Variants in KCNH8 observed in about 807,000 individuals in gnomAD.
KCNH8 encodes the protein potassium voltage-gated channel subfamily H member 8.
KCNH8 carries 70 observed loss-of-function variants against 103.6 expected under a neutral mutation model. The ratio of observed to expected loss-of-function variants is 0.68; its 90% CI spans 0.56 to 0.82. The LOEUF is 0.82. KCNH8 is among the 40% of genes least tolerant of loss of function. KCNH8 has a pLI of 0.00. For synonymous variants in KCNH8, 498 were observed against 489.4 expected (o/e 1.02, Z -0.23); for missense variants, 1,217 against 1,329.9 (o/e 0.92, Z 1.32).
chr3:19,416,383 C>T (rs536898741), intron 7 of KCNH8, among the ~76,000 whole-genome samples: 2 of 152,138 alleles, frequency 1.3e-5, no homozygotes, highest in South Asian at 4.1e-4. Flanking sequence ...TTTCGATTCA[C>T]TTTCTACAGT....
rs560123612 is a variant in KCNH8, at chr3:19,255,198, G to T, written c.310+1311G>T. ...CAAGTCAAGAAGAGAGGCCTCAGGAGAAACCAAACCTGTCAGCACCGTGAT... is the reference window on the plus strand; with the variant it reads ...CAAGTCAAGAAGAGAGGCCTCAGGATAAACCAAACCTGTCAGCACCGTGAT... On this transcript the variant is annotated intron_variant, in intron 2 of 15. Coordinates refer to ENST00000328405, the MANE Select transcript of KCNH8 (RefSeq NM_144633.3). Among the ~76,000 whole-genome samples, 32 of 152,214 alleles carry T rather than the reference G, an allele frequency of 2.1e-4. No homozygotes were observed. The East Asian group carries it at 6.2e-3, about 29-fold the overall frequency.
chr3:19,231,649 A>G (rs1401780276), intron 1 of KCNH8, among the ~76,000 whole-genome samples: 1 of 152,150 alleles, frequency 6.6e-6, no homozygotes, highest in Non-Finnish European at 1.5e-5. Context: ...GGGCCAGCCT[A>G]CAAGATCATA....
intron 7 of KCNH8, among the ~76,000 whole-genome samples, chr3:19,429,672 C>T (rs546805504): frequency 2.3e-4 from 35 of 152,160 alleles, no homozygotes; most frequent in African/African-American, 8.2e-4. Context: ...ATTTCATCAC[C>T]CAGGTATTAA....
At chr3:19,180,982 A>G (rs2063447298) in intron 1 of KCNH8, among the ~76,000 whole-genome samples, 2 of 152,210 alleles carry the variant, frequency 1.3e-5, no homozygotes, top group Admixed American at 6.5e-5. Context: ...ACATGGTAAT[A>G]TAAAAAGGCA....
chr3:19,220,189 G>A (rs2063858565), intron 1 of KCNH8, among the ~76,000 whole-genome samples: 1 of 152,190 alleles, frequency 6.6e-6, no homozygotes, highest in Admixed American at 6.5e-5. Flanking sequence ...GGCCATTGCT[G>A]TTTTTCATTC....
At chr3:19,441,776 G>T (rs2067288253) in intron 8 of KCNH8, among the ~76,000 whole-genome samples, 1 of 152,176 alleles carries the variant, frequency 6.6e-6, no homozygotes, top group Non-Finnish European at 1.5e-5. Context: ...ATATCACTTT[G>T]AGTTTTGAAC....
intron 1 of KCNH8, among the ~76,000 whole-genome samples, chr3:19,234,195 C>A (rs890772677): frequency 3.3e-5 from 5 of 152,236 alleles, no homozygotes; most frequent in Non-Finnish European, 7.3e-5. Context: ...CACGTCCCTA[C>A]CAGACTCAGG....
intron 1 of KCNH8, among the ~76,000 whole-genome samples, chr3:19,211,748 A>G (rs1260154157): frequency 5.3e-5 from 8 of 152,162 alleles, no homozygotes; most frequent in Non-Finnish European, 1.2e-4. Flanking sequence ...CTCAGATCGC[A>G]TTTATTTTTT....
chr3:19,322,153 A>G lies in KCNH8; in HGVS notation c.443-20434A>G, dbSNP rs113615779. Among the ~76,000 whole-genome samples the G allele has an allele frequency of 4.6e-5, 7 of 152,240 alleles. 1 individual carries two copies. The highest frequency in any genetic ancestry group is 1.2e-4 in the African/African-American group (5 of 41,560). On this transcript the variant is annotated intron_variant, in intron 3 of 15. Transcript: ENST00000328405. Reference sequence around the variant, plus strand: ...ATTCTTACCCATTCTGACATTCTGTATCTTTTAATTGGAGCATTTAGGCCA... The same window carrying G: ...ATTCTTACCCATTCTGACATTCTGTGTCTTTTAATTGGAGCATTTAGGCCA...
intron 1 of KCNH8, among the ~76,000 whole-genome samples, chr3:19,158,672 T>C (rs958823068): frequency 6.6e-6 from 1 of 151,908 alleles, no homozygotes; most frequent in East Asian, 1.9e-4. Flanking sequence ...AAATAGAAAG[T>C]TTTCTTTCAC....
At chr3:19,197,068 C>T (rs942202482) in intron 1 of KCNH8, among the ~76,000 whole-genome samples, 1 of 152,014 alleles carries the variant, frequency 6.6e-6, no homozygotes, top group Non-Finnish European at 1.5e-5. Flanking sequence ...TTCAAGTAAG[C>T]TCATTTTCTC....
chr3:19,186,137 T>C (rs1339599350), intron 1 of KCNH8, among the ~76,000 whole-genome samples: 2 of 151,954 alleles, frequency 1.3e-5, no homozygotes, highest in African/African-American at 4.8e-5. Context: ...CCACAGGAAC[T>C]AGTTTAATCA....
At chr3:19,267,400 A>G (rs546691760) in intron 2 of KCNH8, among the ~76,000 whole-genome samples, 38 of 152,246 alleles carry the variant, frequency 2.5e-4, no homozygotes, top group African/African-American at 8.7e-4. Flanking sequence ...AGAGCTCTCT[A>G]AGAAGTAGTT....
chr3:19,365,479 GATT>G (rs35970379), intron 5 of KCNH8, among the ~76,000 whole-genome samples: 18,717 of 151,692 alleles, frequency 0.12, 1,190 homozygotes, highest in Middle Eastern at 0.17. Flanking sequence ...ATCATATAAT[GATT>G]ATTTAGTTTA....
At chr3:19,193,693 T>C (rs149738451) in intron 1 of KCNH8, among the ~76,000 whole-genome samples, 3 of 151,838 alleles carry the variant, frequency 2.0e-5, no homozygotes, top group African/African-American at 7.2e-5. Context: ...AACTTTCAGA[T>C]TGTTGTCTTA....
chr3:19,150,347 ATG>A lies in KCNH8; in HGVS notation c.76+1554_76+1555del, dbSNP rs1553617834. 2.4e-3 allele frequency among the ~76,000 whole-genome samples: 357 copies of A among 150,584 alleles called. 1 individual carries two copies. The highest frequency in any genetic ancestry group is 6.6e-3 in the African/African-American group (264 of 40,090). On this transcript the variant is annotated intron_variant, in intron 1 of 15. Coordinates refer to ENST00000328405, the MANE Select transcript of KCNH8 (RefSeq NM_144633.3). ...TGAGGTACTGATCAGTTTAATGTGG[ATG>A]TTTTTTTTTTTGAAGTTGAACATCC...
chr3:19,534,026 C>T lies in KCNH8; in HGVS notation c.3251C>T (p.Pro1084Leu), dbSNP rs1380644541. The change falls in exon 16 of 16, where the codon CCT becomes CTT. Residue 1084 changes from proline to leucine, a missense_variant. Coordinates refer to ENST00000328405, the MANE Select transcript of KCNH8 (RefSeq NM_144633.3). ...QEGMASASTK[P>L]LENLPLEVVT... ...GGAATGGCATCAGCTTCTACAAAAC[C>T]TTTGGAGAACCTTCCACTGGAAGTT... is the stretch of plus-strand genomic sequence containing the variant. The T allele has an allele frequency of 6.2e-7, 1 of 1,614,090 alleles. No homozygotes were observed. The highest frequency in any genetic ancestry group is 1.3e-5 in the African/African-American group (1 of 75,044).
Position 19,289,168 on chromosome 3 carries a change from C to T in KCNH8, c.442+7839C>T, listed in dbSNP as rs375882010. Among the ~76,000 whole-genome samples, 44 of 152,000 alleles carry T rather than the reference C, an allele frequency of 2.9e-4. No individual in the cohort carries two copies. The East Asian group carries it at 5.8e-3, about 20-fold the overall frequency. Reference sequence around the variant, plus strand: ...TAGATTGCAAAAATTTTCTCCCATTCTGTAGGTTGCCTGTTCACTCTGATG... The same window carrying T: ...TAGATTGCAAAAATTTTCTCCCATTTTGTAGGTTGCCTGTTCACTCTGATG... On this transcript the variant is annotated intron_variant, in intron 3 of 15. Coordinates refer to ENST00000328405, the MANE Select transcript of KCNH8 (RefSeq NM_144633.3).
intron 1 of KCNH8, among the ~76,000 whole-genome samples, chr3:19,155,135 T>C (rs1411264497): frequency 6.6e-6 from 1 of 152,228 alleles, no homozygotes; most frequent in African/African-American, 2.4e-5. Context: ...ATGCCACATG[T>C]CCCCAAATGA....
Sources: allele counts gnomAD v4.1 joint callset (sites outside exome capture counted in the v4.1 genomes callset), GRCh38; gene constraint gnomAD v4.1.1; transcripts MANE v1.5; gene names NCBI Gene and HGNC (gene_info 2026-07-23, HGNC 2026-07-21).